NXPE2: variants seen among roughly 807,000 people sequenced by gnomAD.
NXPE2 encodes NXPE family member 2.
Under a neutral mutation model 34.4 loss-of-function variants are expected in NXPE2, and 34 were observed. The observed-to-expected ratio is 0.99, with a 90% CI of 0.75 to 1.31. NXPE2 has a LOEUF of 1.31. Ranked by LOEUF, NXPE2 falls within the 40% of genes most tolerant of loss-of-function variation. The pLI, the probability that NXPE2 is intolerant of heterozygous loss-of-function variation, is 0.00. For synonymous variants in NXPE2, 235 were observed against 231.3 expected (o/e 1.02, Z -0.15); for missense variants, 649 against 672.5 (o/e 0.97, Z 0.39).
chr11:114,678,912 T>A (rs1334072909), intron 1 of NXPE2, among the ~76,000 whole-genome samples: 1 of 150,186 alleles, frequency 6.7e-6, no homozygotes, highest in Admixed American at 6.7e-5. Context: ...GGTATGATGT[T>A]TTTTTTCTGG....
the NXPE2 span, among the ~76,000 whole-genome samples, chr11:114,494,544 G>T: frequency 1.3e-5 from 2 of 152,092 alleles, no homozygotes; most frequent in Non-Finnish European, 2.9e-5. Context: ...ATTTCTGCTA[G>T]ATTCTTTTTA....
the NXPE2 span, among the ~76,000 whole-genome samples, chr11:114,643,939 T>C: frequency 3.9e-5 from 6 of 152,172 alleles, no homozygotes; most frequent in African/African-American, 1.4e-4. Context: ...CTTATTTTCT[T>C]GAGCAGTGAT....
At chr11:114,620,867 T>C in the NXPE2 span, among the ~76,000 whole-genome samples, 1 of 152,148 alleles carries the variant, frequency 6.6e-6, no homozygotes, top group African/African-American at 2.4e-5. Flanking sequence ...TGTTACCCGA[T>C]GGATAATAAG....
At chr11:114,492,713 G>C in the NXPE2 span, among the ~76,000 whole-genome samples, 1 of 151,914 alleles carries the variant, frequency 6.6e-6, no homozygotes, top group East Asian at 1.9e-4. Context: ...TAATTTTTTT[G>C]TATTTTTAGT....
the NXPE2 span, chr11:114,513,309 T>C: frequency 5.7e-5 from 26 of 455,374 alleles, no homozygotes; most frequent in Admixed American, 2.6e-4. Flanking sequence ...CTGGGTGGGA[T>C]CAGCTGGTCT....
chr11:114,470,075 A>G, the NXPE2 span, among the ~76,000 whole-genome samples: 1 of 152,156 alleles, frequency 6.6e-6, no homozygotes. Flanking sequence ...ATATACCACA[A>G]TTTGTATATT....
the NXPE2 span, chr11:114,527,720 C>T: frequency 1.7e-6 from 1 of 595,212 alleles, no homozygotes. Flanking sequence ...TAAAGTCCAG[C>T]ATGATTGACA....
chr11:114,696,549 T>A (rs926315481), intron 2 of NXPE2, among the ~76,000 whole-genome samples: 2 of 151,988 alleles, frequency 1.3e-5, no homozygotes, highest in African/African-American at 2.4e-5. Flanking sequence ...ATAAATAAGA[T>A]CATTATGTAA....
the NXPE2 span, among the ~76,000 whole-genome samples, chr11:114,507,104 C>T: frequency 3.9e-5 from 6 of 151,960 alleles, no homozygotes; most frequent in East Asian, 1.2e-3. Flanking sequence ...CCTCTATGTA[C>T]ATAAACTAGA....
At chr11:114,768,099 G>T in the NXPE2 span, among the ~76,000 whole-genome samples, 1 of 137,826 alleles carries the variant, frequency 7.3e-6, no homozygotes, top group South Asian at 2.2e-4. Context: ...AAGGTGTAAG[G>T]AAGGGGTCCA....
rs1359332779 is a variant in NXPE2 at position 114,706,696 on chromosome 11, G to A, written c.1446G>A (p.Glu482=). The change falls in exon 6 of 6, where the codon GAG becomes GAA. Residue 482 remains glutamate (E), a synonymous_variant. Coordinates refer to ENST00000389586, the MANE Select transcript of NXPE2 (RefSeq NM_182495.6). The stretch of plus-strand genomic sequence containing the variant: ...AACGTCTATTCTTGCGAAGCCCGGA[G>A]ACCAAGGTGATACTTAAAACTGAAA... ...AIERLFLRSP[E]TKVILKTENT... 1.1e-5 allele frequency: 17 copies of A among 1,552,040 alleles called. No homozygotes were observed. The highest frequency in any genetic ancestry group is 1.5e-5 in the Non-Finnish European group (17 of 1,147,080).
the NXPE2 span, among the ~76,000 whole-genome samples, chr11:114,760,285 G>A: frequency 6.6e-6 from 1 of 152,132 alleles, no homozygotes; most frequent in Non-Finnish European, 1.5e-5. Flanking sequence ...CACAGCAAAA[G>A]GGAACCATTG....
At chr11:114,611,557 A>T in the NXPE2 span, among the ~76,000 whole-genome samples, 1 of 151,750 alleles carries the variant, frequency 6.6e-6, no homozygotes, top group Non-Finnish European at 1.5e-5. Flanking sequence ...CCTCTTGGGT[A>T]ACCAGTATTA....
the NXPE2 span, among the ~76,000 whole-genome samples, chr11:114,536,195 T>C: frequency 0.24 from 35,864 of 151,966 alleles, 6,127 homozygotes; most frequent in African/African-American, 0.48. Flanking sequence ...GGGTACATAA[T>C]GAAATGAAGG....
the NXPE2 span, among the ~76,000 whole-genome samples, chr11:114,517,068 T>C: frequency 1.3e-5 from 2 of 152,198 alleles, no homozygotes; most frequent in African/African-American, 2.4e-5. Flanking sequence ...GCCTACCATA[T>C]AATAGTTGAT....
At chr11:114,580,306 A>G in the NXPE2 span, 1 of 1,614,010 alleles carries the variant, frequency 6.2e-7, no homozygotes. Context: ...GTCATTCCAA[A>G]CTTGCATTTC....
At chr11:114,555,599 A>G in the NXPE2 span, among the ~76,000 whole-genome samples, 4 of 152,290 alleles carry the variant, frequency 2.6e-5, no homozygotes, top group East Asian at 7.7e-4. Flanking sequence ...CATCACAATC[A>G]ATAAGTAGAA....
chr11:114,650,132 A>T, the NXPE2 span, among the ~76,000 whole-genome samples: 19 of 152,358 alleles, frequency 1.2e-4, no homozygotes, highest in African/African-American at 4.6e-4. Context: ...CATAAAGCTC[A>T]AGTAGCAAGA....
the NXPE2 span, among the ~76,000 whole-genome samples, chr11:114,721,834 A>C: frequency 6.6e-6 from 1 of 152,202 alleles, no homozygotes; most frequent in African/African-American, 2.4e-5. Flanking sequence ...CATGGGTCTC[A>C]GTCTGGAGCA....
Sources: allele counts gnomAD v4.1 joint callset (sites outside exome capture counted in the v4.1 genomes callset), GRCh38; gene constraint gnomAD v4.1.1; transcripts MANE v1.5; gene names NCBI Gene and HGNC (gene_info 2026-07-23, HGNC 2026-07-21).